The following TYW1B variants were observed in gnomAD, a reference collection of about 807,000 sequenced individuals.
TYW1B encodes S-adenosyl-L-methionine-dependent tRNA 4-demethylwyosine synthase TYW1B.
In TYW1B, 73 loss-of-function variants were observed where a neutral mutation model predicts 86.9. That is an observed-to-expected ratio of 0.84 (90% CI 0.70 to 1.02). The LOEUF (loss-of-function observed/expected upper bound fraction) is 1.02. TYW1B is among the 50% of genes least tolerant of loss of function. The pLI is 0.00. For missense variants in TYW1B, 637 were observed against 827.4 expected (o/e 0.77, Z 2.82); for synonymous variants, 248 against 292.8 (o/e 0.85, Z 1.56).
chr7:72,650,195 T>C (rs1813026958), intron 11 of TYW1B, among the ~76,000 whole-genome samples: 3 of 151,290 alleles, frequency 2.0e-5, no homozygotes, highest in Admixed American at 6.6e-5. Context: ...ATTACAGGAG[T>C]GAGCCACCGC....
chr7:72,813,901 G>A (rs1788671143), intron 3 of TYW1B, among the ~76,000 whole-genome samples: 1 of 151,696 alleles, frequency 6.6e-6, no homozygotes, highest in Admixed American at 6.6e-5. Flanking sequence ...TGTAATCCCA[G>A]CTACTCAGGA....
intron 11 of TYW1B, among the ~76,000 whole-genome samples, chr7:72,646,205 C>A (rs1480639488): frequency 1.3e-5 from 2 of 151,696 alleles, no homozygotes; most frequent in Non-Finnish European, 1.5e-5. Flanking sequence ...CAGGTGCACA[C>A]CACCATGTCC....
At chr7:72,586,045 G>A (rs1306672602) in intron 13 of TYW1B, among the ~76,000 whole-genome samples, 1 of 152,122 alleles carries the variant, frequency 6.6e-6, no homozygotes, top group African/African-American at 2.4e-5. Context: ...AGATTTAACA[G>A]TTCACTAGAA....
intron 13 of TYW1B, among the ~76,000 whole-genome samples, chr7:72,608,721 G>T (rs1254195371): frequency 6.6e-6 from 1 of 152,322 alleles, no homozygotes; most frequent in Non-Finnish European, 1.5e-5. Context: ...TCAAAAGAAA[G>T]TCGAAGTGGC....
chr7:72,817,699 A>G (rs1554479704), intron 2 of TYW1B, among the ~76,000 whole-genome samples: 1 of 152,116 alleles, frequency 6.6e-6, no homozygotes, highest in African/African-American at 2.4e-5. Flanking sequence ...ATTGATGGGA[A>G]GGTACACTCT....
intron 11 of TYW1B, among the ~76,000 whole-genome samples, chr7:72,638,719 G>C (rs1438725739): frequency 1.3e-5 from 2 of 152,160 alleles, no homozygotes; most frequent in African/African-American, 2.4e-5. Flanking sequence ...GAAATAAAAC[G>C]GTCTTTGTTT....
intron 10 of TYW1B, among the ~76,000 whole-genome samples, chr7:72,702,067 T>C (rs1371200001): frequency 6.6e-6 from 1 of 152,232 alleles, no homozygotes. Context: ...TGACATCTCA[T>C]GGCCCAGCTT....
chr7:72,767,471 G>A (rs530550335), intron 7 of TYW1B, among the ~76,000 whole-genome samples: 2 of 151,800 alleles, frequency 1.3e-5, no homozygotes, highest in South Asian at 2.1e-4. Context: ...TTAGCCGGGT[G>A]TGGTGGCGGG....
At chr7:72,646,665 C>T (rs1426982005) in intron 11 of TYW1B, among the ~76,000 whole-genome samples, 4 of 152,152 alleles carry the variant, frequency 2.6e-5, no homozygotes, top group Non-Finnish European at 4.4e-5. Context: ...TGAGCCACCA[C>T]GCCTGGCCCT....
At chr7:72,784,575 G>T (rs1788097980) in intron 6 of TYW1B, among the ~76,000 whole-genome samples, 1 of 152,156 alleles carries the variant, frequency 6.6e-6, no homozygotes, top group African/African-American at 2.4e-5. Context: ...TCGGCTCACT[G>T]AAACCTCCAT....
chr7:72,651,485 G>A (rs1813055771), intron 11 of TYW1B, among the ~76,000 whole-genome samples: 1 of 152,094 alleles, frequency 6.6e-6, no homozygotes, highest in East Asian at 1.9e-4. Context: ...GGGCATGGCG[G>A]GCACCTATAA....
intron 12 of TYW1B, among the ~76,000 whole-genome samples, chr7:72,628,152 G>A (rs185801996): frequency 1.6e-4 from 24 of 152,022 alleles, no homozygotes; most frequent in Non-Finnish European, 2.9e-4. Flanking sequence ...GCATAGTGGC[G>A]TGCACCTCTA....
Position 72,818,380 on chromosome 7 carries a change from G to A in TYW1B, c.136-2899C>T, listed in dbSNP as rs146280710. Among the ~76,000 whole-genome samples the A allele has an allele frequency of 6.7e-3, 1,010 of 151,754 alleles. 15 individuals are homozygous for A. Among genetic ancestry groups the A allele is most frequent in the African/African-American group, 0.021 (870 of 41,384 alleles). On this transcript the variant is annotated intron_variant, in intron 2 of 13. Coordinates refer to ENST00000620995, the MANE Select transcript of TYW1B (RefSeq NM_001145440.3). ...GTGGATCACTTGAGGTCAGGAGTTC[G>A]AGACCAGCCTGGGCATGGTGAAACC...
At chr7:72,758,357 A>G (rs1787628934) in intron 7 of TYW1B, among the ~76,000 whole-genome samples, 1 of 152,096 alleles carries the variant, frequency 6.6e-6, no homozygotes, top group Non-Finnish European at 1.5e-5. Flanking sequence ...ACAAACAAAC[A>G]AAACCCATTG....
At chr7:72,707,961 G>A (rs1235254853) in intron 10 of TYW1B, among the ~76,000 whole-genome samples, 2 of 152,160 alleles carry the variant, frequency 1.3e-5, no homozygotes, top group Admixed American at 1.3e-4. Flanking sequence ...TCTTCCTCCT[G>A]CTGTGTGAAG....
chr7:72,744,727 T>C (rs2272090), intron 7 of TYW1B, 126 bp from the exon 8 acceptor site: 827,223 of 1,115,648 alleles, frequency 0.74, 311,111 homozygotes, highest in Non-Finnish European at 0.78. Flanking sequence ...AGTATCTGCA[T>C]GACGCAGGAA....
chr7:72,730,883 G>A (rs1345213729), intron 8 of TYW1B, among the ~76,000 whole-genome samples: 1 of 145,424 alleles, frequency 6.9e-6, no homozygotes, highest in East Asian at 2.0e-4. Context: ...GAGAGATATG[G>A]ACATTCAGAT....
In TYW1B at chr7:72,592,167, A is replaced by T. The variant is rs1554431624; in HGVS notation, c.1786-16448T>A. On this transcript the variant is annotated intron_variant, in intron 13 of 13. Coordinates refer to ENST00000620995, the MANE Select transcript of TYW1B (RefSeq NM_001145440.3). ...GTTAACACACTAATGTGTTAAAAAAAAAAAAAAAAAAAAAAAAAGACAAGT... is the reference window on the plus strand; with the variant it reads ...GTTAACACACTAATGTGTTAAAAAATAAAAAAAAAAAAAAAAAAGACAAGT... Among the ~76,000 whole-genome samples, 10 of 121,370 alleles carry T rather than the reference A, an allele frequency of 8.2e-5. No individual in the cohort carries two copies. The South Asian group carries it at 2.1e-3, about 25-fold the overall frequency. 79.6% of individuals were successfully genotyped at this position (121,370 alleles called of 152,430 possible).
At chr7:72,800,362 TA>T (rs1788383868) in intron 6 of TYW1B, among the ~76,000 whole-genome samples, 1 of 151,954 alleles carries the variant, frequency 6.6e-6, no homozygotes. Context: ...TACATCTAGC[TA>T]AATTTTTTTA....
Sources: allele counts gnomAD v4.1 joint callset (sites outside exome capture counted in the v4.1 genomes callset), GRCh38; gene constraint gnomAD v4.1.1; transcripts MANE v1.5; gene names NCBI Gene and HGNC (gene_info 2026-07-23, HGNC 2026-07-21).